DIXDC1: variants seen among roughly 807,000 people sequenced by gnomAD.
DIXDC1 encodes DIX domain containing 1, also known as dixin.
A neutral mutation model predicts 103.1 loss-of-function variants in DIXDC1; 64 were observed. That is an observed-to-expected ratio of 0.62 (90% CI 0.51 to 0.76). The LOEUF is 0.76. DIXDC1 is among the 30% of genes least tolerant of loss of function. DIXDC1 has a pLI of 0.00. For missense variants in DIXDC1, 759 were observed against 834.2 expected, an observed-to-expected ratio of 0.91 and a Z score of 1.11; for synonymous variants, 266 against 298.5, an observed-to-expected ratio of 0.89 and a Z score of 1.12.
intron 1 of DIXDC1, among the ~76,000 whole-genome samples, chr11:111,963,259 G>A (rs1859633685): frequency 6.6e-6 from 1 of 152,158 alleles, no homozygotes; most frequent in African/African-American, 2.4e-5. Context: ...ATTAAAACAT[G>A]GGTCAAACAC....
chr11:111,998,591 T>G lies in DIXDC1; in HGVS notation c.1756+2445T>G, dbSNP rs2137596292. Among the ~76,000 whole-genome samples the G allele has an allele frequency of 6.6e-6, 1 of 152,324 alleles. No homozygotes were observed. Among genetic ancestry groups the G allele is most frequent in the East Asian group, 1.9e-4 (1 of 5,186 alleles). Reference sequence around the variant, plus strand: ...CAGAGTCTCGCTCTGTTGCCCAGGCTGGAGTGCAATGGCGTGATCTCGACT... The same window carrying G: ...CAGAGTCTCGCTCTGTTGCCCAGGCGGGAGTGCAATGGCGTGATCTCGACT... On this transcript the variant is annotated intron_variant, in intron 17 of 19. Coordinates refer to ENST00000440460, the MANE Select transcript of DIXDC1 (RefSeq NM_001037954.4). The surrounding 1 kb of genome is among the most constrained non-coding windows in gnomAD (Gnocchi z 4.1).
chr11:112,018,018 C>G, intron 19 of DIXDC1, 133 bp downstream of exon 19: 1 of 613,684 alleles, frequency 1.6e-6, no homozygotes, highest in African/African-American at 1.9e-5. Flanking sequence ...GAGCCTCAGA[C>G]CATGGTCTGA....
intron 17 of DIXDC1, among the ~76,000 whole-genome samples, chr11:112,007,997 A>T (rs1398105955): frequency 6.6e-6 from 1 of 152,172 alleles, no homozygotes; most frequent in Non-Finnish European, 1.5e-5. Context: ...TGCCCCAATG[A>T]AAAGTGACAG....
At chr11:111,940,420 C>T (rs1332733345) in intron 1 of DIXDC1, among the ~76,000 whole-genome samples, 1 of 152,178 alleles carries the variant, frequency 6.6e-6, no homozygotes, top group Non-Finnish European at 1.5e-5. Context: ...CTATAGATCA[C>T]AATCTCCCCA....
intron 1 of DIXDC1, among the ~76,000 whole-genome samples, chr11:111,961,656 T>C (rs1859581764): frequency 6.6e-6 from 1 of 152,218 alleles, no homozygotes; most frequent in Non-Finnish European, 1.5e-5. Flanking sequence ...AGACAACTTC[T>C]ACGGGCAAGA....
intron 17 of DIXDC1, among the ~76,000 whole-genome samples, chr11:112,001,565 A>G (rs1555176001): frequency 6.6e-6 from 1 of 152,146 alleles, no homozygotes; most frequent in African/African-American, 2.4e-5. Context: ...AAAACAAGAA[A>G]AAGTTGGATA....
At chr11:111,989,754 T>C (rs781845000) in intron 10 of DIXDC1, among the ~76,000 whole-genome samples, 1 of 152,030 alleles carries the variant, frequency 6.6e-6, no homozygotes, top group South Asian at 2.1e-4. Context: ...CTGCCAGCCC[T>C]GTCCCATCAG....
chr11:112,005,901 A>G (rs1411809305), intron 17 of DIXDC1, among the ~76,000 whole-genome samples: 1 of 152,186 alleles, frequency 6.6e-6, no homozygotes, highest in African/African-American at 2.4e-5. Flanking sequence ...GCACTTTGGG[A>G]GGCCAAGGCG....
At chr11:111,937,015 A>ATGTGTG (rs782375854), upstream of DIXDC1, among the ~76,000 whole-genome samples, 3 of 127,558 alleles carry the variant, frequency 2.4e-5, no homozygotes, top group African/African-American at 6.3e-5. Context: ...GTATGTGTGT[A>ATGTGTG]TGTGTGTGTG....
chr11:112,021,073 C>T lies in DIXDC1; in HGVS notation c.*2037C>T, dbSNP rs192609576. ...TTGTCTTGAATGTCTGTCTCTTAAACCAGTTTTTACTTGTCAGTTTTCTCT... is the reference window on the plus strand; with the variant it reads ...TTGTCTTGAATGTCTGTCTCTTAAATCAGTTTTTACTTGTCAGTTTTCTCT... On this transcript the variant is annotated 3_prime_UTR_variant, in exon 20 of 20. Transcript: ENST00000440460. 6.6e-6 allele frequency: 1 copy of T among 152,142 alleles called. No individual in the cohort carries two copies. The highest frequency in any genetic ancestry group is 1.5e-5 in the Non-Finnish European group (1 of 68,014). 9.4% of individuals were successfully genotyped at this position (152,142 alleles called of 1,614,324 possible).
Position 111,937,517 on chromosome 11 carries a change from C to A in DIXDC1, c.18C>A (p.Thr6=). 6.3e-7 allele frequency: 1 copy of A among 1,595,682 alleles called. No homozygotes were observed. The highest frequency in any genetic ancestry group is 2.3e-5 in the East Asian group (1 of 43,928). Residue 6 remains threonine, a synonymous_variant, in exon 1 of 20, where the codon ACC becomes ACA. Transcript: ENST00000440460. MLACL[T]RGNLLDVLQE... ...CAGGAACAATGCTAGCCTGCCTGAC[C>A]CGAGGGAACTTACTGGACGTCCTGC...
chr11:111,992,278 C>T (rs1353579331), intron 10 of DIXDC1, 137 bp from the exon 11 acceptor site: 3 of 728,100 alleles, frequency 4.1e-6, no homozygotes, highest in Admixed American at 5.8e-5. Flanking sequence ...CAACTCGTGG[C>T]AAGACCCTTT....
In DIXDC1 at chr11:112,017,936, C is replaced by A; in HGVS notation, c.1971+51C>A. The A allele has an allele frequency of 7.1e-7, 1 of 1,418,084 alleles. No individual in the cohort carries two copies. The highest frequency in any genetic ancestry group is 9.7e-7 in the Non-Finnish European group (1 of 1,027,494). The allele number at this position is 1,418,084 out of a possible 1,614,324, so 87.8% of individuals were successfully genotyped here. A position where few individuals can be genotyped will look rare whatever the true frequency, so the allele number is the denominator to read the frequency against. ...TGGTATTATTGGTCCTTTCTGAACCCTGAAGCCTCCTGTTCAAGCACTAGT... is the reference window on the plus strand; with the variant it reads ...TGGTATTATTGGTCCTTTCTGAACCATGAAGCCTCCTGTTCAAGCACTAGT... On this transcript the variant is annotated intron_variant, in intron 19 of 19. Transcript: ENST00000440460. The surrounding 1 kb of genome is among the most constrained non-coding windows in gnomAD (Gnocchi z 4.0).
intron 17 of DIXDC1, 48 bp downstream of exon 17, chr11:111,996,194 G>T (rs1860893885): frequency 6.6e-7 from 1 of 1,521,436 alleles, no homozygotes; most frequent in Non-Finnish European, 8.9e-7. Context: ...TATTAGACCA[G>T]AAATTTAGTA....
chr11:111,977,854 C>A lies in DIXDC1; in HGVS notation c.656+2871C>A, dbSNP rs782766798. Reference sequence around the variant, plus strand: ...GGCCTGGGTGGGAACAGGGGCAGGGCTGGAGGATGCTGTTGGCCGGAGACA... The same window carrying A: ...GGCCTGGGTGGGAACAGGGGCAGGGATGGAGGATGCTGTTGGCCGGAGACA... On this transcript the variant is annotated intron_variant, in intron 5 of 19. Transcript: ENST00000440460. This position sits in a 1 kb window ranked among gnomAD's most constrained non-coding sequence, Gnocchi z 6.1. 5 of 1,494,590 alleles carry A rather than the reference C, an allele frequency of 3.3e-6. No homozygotes were observed. Among genetic ancestry groups the A allele is most frequent in the Non-Finnish European group, 4.5e-6 (5 of 1,120,930 alleles). The allele number at this position is 1,494,590 out of a possible 1,614,324, so 92.6% of individuals were successfully genotyped here.
chr11:111,935,121 A>AT (rs1966151991), upstream of DIXDC1, among the ~76,000 whole-genome samples: 1 of 145,600 alleles, frequency 6.9e-6, no homozygotes, highest in Non-Finnish European at 1.5e-5. Flanking sequence ...CTTATAATAC[A>AT]TTTTAAAAAA....
chr11:111,975,630 A>G (rs1242079870), intron 5 of DIXDC1: 9 of 985,940 alleles, frequency 9.1e-6, no homozygotes, highest in Non-Finnish European at 1.1e-5. Flanking sequence ...TTGTGCTTCT[A>G]TAAACACTCC....
At chr11:112,010,985 CA>C (rs1358203516) in intron 17 of DIXDC1, among the ~76,000 whole-genome samples, 5 of 152,112 alleles carry the variant, frequency 3.3e-5, no homozygotes, top group African/African-American at 1.2e-4. Flanking sequence ...TTCTGCACAG[CA>C]AAAGAAACTA....
intron 16 of DIXDC1, 43 bp downstream of exon 16, chr11:111,995,607 G>A: frequency 6.2e-7 from 1 of 1,604,848 alleles, no homozygotes; most frequent in Non-Finnish European, 8.5e-7. Flanking sequence ...AAGCTCCTGA[G>A]AAAGCTGGGT....
Sources: gnomAD v4.1 joint callset for allele counts (sites outside exome capture counted in the v4.1 genomes callset) on GRCh38, gnomAD v4.1.1 for gene constraint, Gnocchi (gnomAD v3.1) non-coding constraint, MANE v1.5 for transcripts, NCBI Gene and HGNC (gene_info 2026-07-23, HGNC 2026-07-21) for gene names.